Variants in DEAF1 observed in about 807,000 individuals in gnomAD.
The protein encoded by DEAF1 is deformed epidermal autoregulatory factor 1 homolog.
Under a neutral mutation model 58.9 loss-of-function variants are expected in DEAF1, and 53 were observed. The ratio of observed to expected loss-of-function variants is 0.90; its 90% CI spans 0.72 to 1.13. The LOEUF (loss-of-function observed/expected upper bound fraction) is 1.13. Among genes scored for constraint, DEAF1 ranks in the 50% most tolerant of loss-of-function variants. The pLI, the probability that DEAF1 is intolerant of heterozygous loss-of-function variation, is 0.00. For missense variants in DEAF1, 685 were observed against 791.4 expected (o/e 0.87, Z 1.61); for synonymous variants, 385 against 340.4 (o/e 1.13, Z -1.44).
Position 688,252 on chromosome 11 carries a change from G to T in DEAF1, c.517+79C>A. ...CCAAATTTACCACAAAAAGAAACAA[G>T]TAAATAAATCCCTGAAATAAATTCT... On this transcript the variant is annotated intron_variant, in intron 3 of 11. Coordinates refer to ENST00000382409, the MANE Select transcript of DEAF1 (RefSeq NM_021008.4). The surrounding 1 kb of genome is among the most constrained non-coding windows in gnomAD (Gnocchi z 4.3). 6.4e-7 allele frequency: 1 copy of T among 1,567,382 alleles called. No individual in the cohort carries two copies. The highest frequency in any genetic ancestry group is 8.7e-7 in the Non-Finnish European group (1 of 1,154,690).
intron 10 of DEAF1, among the ~76,000 whole-genome samples, chr11:671,522 A>G (rs1283464819): frequency 6.6e-6 from 1 of 151,726 alleles, no homozygotes; most frequent in East Asian, 1.9e-4. Context: ...GTGCCCAGTG[A>G]AAAAGTATTT....
intron 10 of DEAF1, among the ~76,000 whole-genome samples, chr11:666,990 G>C (rs1208994466): frequency 6.6e-6 from 1 of 151,926 alleles, no homozygotes; most frequent in Admixed American, 6.6e-5. Flanking sequence ...CTTGAGTCCA[G>C]GAGTTCAAGA....
intron 6 of DEAF1, among the ~76,000 whole-genome samples, chr11:684,386 CCA>C (rs1351965627): frequency 6.6e-6 from 1 of 151,716 alleles, no homozygotes; most frequent in Non-Finnish European, 1.5e-5. Context: ...CCACTGCACC[CCA>C]GTGTGGGCGA....
intron 6 of DEAF1, among the ~76,000 whole-genome samples, chr11:681,687 G>A (rs1287922446): frequency 2.0e-5 from 3 of 152,004 alleles, no homozygotes; most frequent in Non-Finnish European, 2.9e-5. Context: ...TAGGATTACA[G>A]GCGTGAGCCA....
intron 1 of DEAF1, among the ~76,000 whole-genome samples, chr11:701,567 C>T (rs185864055): frequency 1.8e-4 from 27 of 152,190 alleles, no homozygotes; most frequent in South Asian, 2.1e-4. Context: ...CCCGCCACCA[C>T]GCCCGGCTCA....
rs749827262 is a variant in DEAF1, at chr11:644,609, T to C, written c.1639A>G (p.Thr547Ala). 6.2e-7 allele frequency: 1 copy of C among 1,612,908 alleles called. No individual in the cohort carries two copies. Among genetic ancestry groups the C allele is most frequent in the African/African-American group, 1.3e-5 (1 of 75,016 alleles). ...ACGTGGACTTCGTCTGCCTGGACGG[T>C]GACAGCTGCTGACTGGCCGCATATG... ...QHICGQSAAV[T>A]VQADEVHVAE... The change falls in exon 12 of 12, where the codon ACC becomes GCC. Residue 547 changes from threonine (T) to alanine (A), a missense_variant. Physicochemically the swap from Thr to Ala is moderately conservative, Grantham distance 58. Transcript: ENST00000382409. This position sits in a 1 kb window ranked among gnomAD's most constrained non-coding sequence, Gnocchi z 4.3.
intron 9 of DEAF1, among the ~76,000 whole-genome samples, chr11:676,758 C>A (rs1188967737): frequency 1.3e-5 from 2 of 152,164 alleles, no homozygotes; most frequent in Non-Finnish European, 2.9e-5. Context: ...CCCGCCTCGG[C>A]CTCCCAAAGC....
At chr11:650,550 G>A (rs1234130536) in intron 11 of DEAF1, among the ~76,000 whole-genome samples, 6 of 152,210 alleles carry the variant, frequency 3.9e-5, no homozygotes, top group African/African-American at 1.4e-4. Context: ...ACAGGGTCTC[G>A]CTTTGTTGGC....
chr11:686,739 G>T, intron 5 of DEAF1, 119 bp downstream of exon 5: 1 of 1,351,048 alleles, frequency 7.4e-7, no homozygotes, highest in Non-Finnish European at 1.0e-6. Flanking sequence ...GACAGCAGGT[G>T]GAGGCTGCAA....
At chr11:658,263 C>G (rs939207035) in intron 10 of DEAF1, among the ~76,000 whole-genome samples, 8 of 152,156 alleles carry the variant, frequency 5.3e-5, no homozygotes, top group Non-Finnish European at 7.4e-5. Flanking sequence ...CCTGTCTCTA[C>G]TAAAAATACA....
intron 10 of DEAF1, among the ~76,000 whole-genome samples, chr11:658,607 G>A (rs2133309153): frequency 6.6e-6 from 1 of 152,238 alleles, no homozygotes; most frequent in African/African-American, 2.4e-5. Context: ...AAGTGCCCAG[G>A]CCTGCCCAGG....
chr11:651,835 G>C (rs1858787285), intron 11 of DEAF1, among the ~76,000 whole-genome samples: 1 of 152,232 alleles, frequency 6.6e-6, no homozygotes, highest in Admixed American at 6.5e-5. Flanking sequence ...GCGGTGAGCT[G>C]AGATGGCGCC....
At chr11:671,284 G>A (rs1018100265) in intron 10 of DEAF1, among the ~76,000 whole-genome samples, 1 of 151,526 alleles carries the variant, frequency 6.6e-6, no homozygotes, top group African/African-American at 2.4e-5. Flanking sequence ...GCAGTGGCCC[G>A]ATCTCAGCTC....
intron 11 of DEAF1, among the ~76,000 whole-genome samples, chr11:647,799 T>C (rs906222086): frequency 6.6e-6 from 1 of 151,902 alleles, no homozygotes; most frequent in African/African-American, 2.4e-5. Context: ...GGTGACTCAA[T>C]CCAGGCAGTG....
intron 10 of DEAF1, among the ~76,000 whole-genome samples, chr11:659,770 C>T (rs1395656740): frequency 1.3e-5 from 2 of 152,176 alleles, no homozygotes; most frequent in East Asian, 1.9e-4. Context: ...GTGAAGCAGC[C>T]GCCTAATTCC....
chr11:698,582 G>A (rs1268534106), upstream of DEAF1, among the ~76,000 whole-genome samples: 2 of 152,180 alleles, frequency 1.3e-5, no homozygotes, highest in Non-Finnish European at 1.5e-5. Context: ...TGCTTTCCCT[G>A]AGGGCCAGCT....
At chr11:682,268 CACACACTG>C (rs1480069775) in intron 6 of DEAF1, among the ~76,000 whole-genome samples, 2 of 152,242 alleles carry the variant, frequency 1.3e-5, no homozygotes, top group Admixed American at 1.3e-4. Flanking sequence ...TGCCCTGGGG[CACACACTG>C]CTCCACTGTC....
rs548947364 is a variant in DEAF1, at chr11:660,046, C to CCAATGCCCACCATGGGG, written c.1504-6012_1504-5996dup. 9.7e-4 allele frequency among the ~76,000 whole-genome samples: 148 copies of CCAATGCCCACCATGGGG among 152,316 alleles called. 1 individual carries two copies. The highest frequency in any genetic ancestry group is 3.4e-3 in the African/African-American group (141 of 41,570). On this transcript the variant is annotated intron_variant, in intron 10 of 11. Transcript: ENST00000382409. Reference sequence around the variant, plus strand: ...TGCCCCCGGGACCACTGTGGCTTCACCAATGCCCACCATGGGGCAGAGGGC... The same window carrying CCAATGCCCACCATGGGG: ...TGCCCCCGGGACCACTGTGGCTTCACCAATGCCCACCATGGGGCAATGCCCACCATGGGGCAGAGGGC...
At chr11:703,362 G>A (rs536830590) in intron 1 of DEAF1, 19 of 1,394,758 alleles carry the variant, frequency 1.4e-5, no homozygotes, top group African/African-American at 5.8e-5. Context: ...GAACAGCTGC[G>A]GGGAGGGTAG....
Sources: allele counts gnomAD v4.1 joint callset (sites outside exome capture counted in the v4.1 genomes callset), GRCh38; gene constraint gnomAD v4.1.1; non-coding constraint Gnocchi (gnomAD v3.1); transcripts MANE v1.5; gene names NCBI Gene and HGNC (gene_info 2026-07-23, HGNC 2026-07-21).